The following SYN3 variants were observed in gnomAD, a reference collection of about 807,000 sequenced individuals.
SYN3 encodes synapsin III.
Under a neutral mutation model 65.8 loss-of-function variants are expected in SYN3, and 35 were observed. That is an observed-to-expected ratio of 0.53 (90% CI 0.41 to 0.70). The LOEUF (loss-of-function observed/expected upper bound fraction) is 0.70, where lower values mean the gene tolerates loss of function less well. Ranked by LOEUF, SYN3 falls within the 30% of genes least tolerant of loss-of-function variation. The pLI is 0.00. For missense variants in SYN3, 680 were observed against 749.0 expected, an observed-to-expected ratio of 0.91 and a Z score of 1.08; for synonymous variants, 270 against 292.9, an observed-to-expected ratio of 0.92 and a Z score of 0.80.
intron 6 of SYN3, among the ~76,000 whole-genome samples, chr22:32,628,813 G>A (rs2059706766): frequency 6.6e-6 from 1 of 151,916 alleles, no homozygotes; most frequent in South Asian, 2.1e-4. Context: ...TGTTCCCCCT[G>A]TAAGCTGTGC....
chr22:33,021,905 T>C (rs1379784241), intron 1 of SYN3, among the ~76,000 whole-genome samples: 1 of 152,058 alleles, frequency 6.6e-6, no homozygotes, highest in Non-Finnish European at 1.5e-5. Context: ...CTAGAAACAG[T>C]GCCTAGCACA....
intron 5 of SYN3, among the ~76,000 whole-genome samples, chr22:32,867,773 G>A (rs1432616812): frequency 1.3e-5 from 2 of 152,182 alleles, no homozygotes; most frequent in African/African-American, 4.8e-5. Context: ...AGTAGAGACG[G>A]GGTTTCACCA....
intron 12 of SYN3, among the ~76,000 whole-genome samples, chr22:32,524,540 G>A (rs1432805970): frequency 1.3e-5 from 2 of 152,194 alleles, no homozygotes; most frequent in Non-Finnish European, 2.9e-5. Flanking sequence ...TTGAGACCTA[G>A]TGTTCAGAAA....
intron 3 of SYN3, among the ~76,000 whole-genome samples, chr22:32,938,599 T>C (rs2050844633): frequency 6.6e-6 from 1 of 151,054 alleles, no homozygotes; most frequent in Non-Finnish European, 1.5e-5. Flanking sequence ...ACTGTCGGTA[T>C]GGAATATTAT....
intron 6 of SYN3, among the ~76,000 whole-genome samples, chr22:32,830,082 G>A (rs1258764420): frequency 2.0e-5 from 3 of 152,184 alleles, no homozygotes; most frequent in Non-Finnish European, 4.4e-5. Flanking sequence ...ATTTCAGGAG[G>A]AGGAAGGTTG....
At chr22:32,971,877 T>C (rs995036015) in intron 3 of SYN3, among the ~76,000 whole-genome samples, 2 of 152,128 alleles carry the variant, frequency 1.3e-5, no homozygotes, top group Non-Finnish European at 2.9e-5. Flanking sequence ...CTGTGAGAAT[T>C]TGGGCCACAC....
chr22:32,637,930 C>T (rs942683565), intron 6 of SYN3, among the ~76,000 whole-genome samples: 4 of 152,140 alleles, frequency 2.6e-5, no homozygotes, highest in Non-Finnish European at 2.9e-5. Flanking sequence ...TGAGCCACCG[C>T]GCCCAGCAAC....
intron 4 of SYN3, among the ~76,000 whole-genome samples, chr22:32,884,023 G>A (rs1050122577): frequency 6.6e-6 from 1 of 152,224 alleles, no homozygotes; most frequent in Admixed American, 6.5e-5. Flanking sequence ...GTTTCCTCAA[G>A]TTCTAGCTGG....
intron 2 of SYN3, among the ~76,000 whole-genome samples, chr22:32,981,199 G>T (rs930097722): frequency 8.6e-5 from 13 of 151,822 alleles, no homozygotes; most frequent in African/African-American, 3.1e-4. Flanking sequence ...AGGGGAGATG[G>T]TGGATAAGAT....
intron 6 of SYN3, among the ~76,000 whole-genome samples, chr22:32,634,587 T>C (rs924508979): frequency 6.6e-5 from 10 of 152,208 alleles, no homozygotes; most frequent in African/African-American, 2.4e-4. Flanking sequence ...TACAAGTGTC[T>C]GTGGTTCCCT....
intron 4 of SYN3, among the ~76,000 whole-genome samples, chr22:32,929,764 T>A (rs914977628): frequency 6.6e-6 from 1 of 152,170 alleles, no homozygotes; most frequent in Non-Finnish European, 1.5e-5. Context: ...TTACACTCCC[T>A]ATTGTGAGTG....
chr22:32,914,274 C>CA (rs2146598631), intron 4 of SYN3, among the ~76,000 whole-genome samples: 1 of 152,280 alleles, frequency 6.6e-6, no homozygotes, highest in South Asian at 2.1e-4. Flanking sequence ...ATGTAGAAAG[C>CA]AGCATGGTGT....
At chr22:32,590,071 G>A (rs1041377906) in intron 7 of SYN3, among the ~76,000 whole-genome samples, 1 of 152,090 alleles carries the variant, frequency 6.6e-6, no homozygotes, top group Non-Finnish European at 1.5e-5. Flanking sequence ...CTATCACAAA[G>A]CAAATACCCA....
In SYN3 at chr22:32,676,813, G is replaced by T. The variant is rs1011491963; in HGVS notation, c.712-80077C>A. On this transcript the variant is annotated intron_variant, in intron 6 of 13. Transcript: ENST00000358763. ...CCACCTCGGCCTCCCAAAGTGCTGG[G>T]ATTACAGGCGTGAGCCACTGTGCCC... Among the ~76,000 whole-genome samples the T allele has an allele frequency of 1.6e-3, 237 of 151,902 alleles. 1 individual carries two copies. Among genetic ancestry groups the T allele is most frequent in the African/African-American group, 5.4e-3 (224 of 41,426 alleles).
intron 6 of SYN3, among the ~76,000 whole-genome samples, chr22:32,761,694 G>T (rs1030634452): frequency 2.0e-5 from 3 of 152,184 alleles, no homozygotes; most frequent in South Asian, 2.1e-4. Context: ...GCTTTGTTTT[G>T]CGGGGAGGCC....
chr22:32,564,856 C>T (rs1304441837), intron 7 of SYN3, among the ~76,000 whole-genome samples: 3 of 139,926 alleles, frequency 2.1e-5, no homozygotes, highest in Non-Finnish European at 4.6e-5. Flanking sequence ...AAACAGTGCT[C>T]CCGGACTGCA....
At position 32,531,148 on chromosome 22, in the gene SYN3, C is replaced by CAAAAAAA. The variant is rs59432094; in HGVS notation, c.1096-2147_1096-2141dup. On this transcript the variant is annotated intron_variant, in intron 10 of 13. Coordinates refer to ENST00000358763, the MANE Select transcript of SYN3 (RefSeq NM_003490.4). ...CTGGCGACAGAATGAGACCCCGTCT[C>CAAAAAAA]AAAAAAAAAAAAAAAAAAAAAAAAA... Among the ~76,000 whole-genome samples, 29 of 26,154 alleles carry CAAAAAAA rather than the reference C, an allele frequency of 1.1e-3. 3 individuals are homozygous for CAAAAAAA. The highest frequency in any genetic ancestry group is 4.1e-3 in the African/African-American group (25 of 6,038). The allele number at this position is 26,154 out of a possible 152,430, so 17.2% of individuals were successfully genotyped here. A position where few individuals can be genotyped will look rare whatever the true frequency, so the allele number is the denominator to read the frequency against.
At position 32,510,859 on chromosome 22, in the gene SYN3, A is replaced by G. The variant is rs984479963; in HGVS notation, c.*2833T>C. Among the ~76,000 whole-genome samples the G allele has an allele frequency of 4.0e-5, 6 of 151,806 alleles. No homozygotes were observed. Among genetic ancestry groups the G allele is most frequent in the Admixed American group, 1.3e-4 (2 of 15,250 alleles). On this transcript the variant is annotated 3_prime_UTR_variant, in exon 14 of 14. Transcript: ENST00000358763. ...CGTGTGACTTATACTAGTGATCCCT[A>G]TCTTCTTGGGGGCAAGTGGGGAAGC...
At chr22:32,528,054 C>G in intron 11 of SYN3, 49 bp from the exon 12 acceptor site, 1 of 1,400,170 alleles carries the variant, frequency 7.1e-7, no homozygotes, top group Non-Finnish European at 9.6e-7. Context: ...CAGCCCTTTA[C>G]TTCCTGGGTG....
Sources: allele counts gnomAD v4.1 joint callset (sites outside exome capture counted in the v4.1 genomes callset), GRCh38; gene constraint gnomAD v4.1.1; transcripts MANE v1.5; gene names NCBI Gene and HGNC (gene_info 2026-07-23, HGNC 2026-07-21).